Variants in LRMDA observed in about 807,000 individuals in gnomAD.
The protein encoded by LRMDA is leucine rich melanocyte differentiation associated, also known as leucine-rich melanocyte differentiation-associated protein.
In LRMDA, 18 loss-of-function variants were observed where a neutral mutation model predicts 29.8. The observed-to-expected ratio is 0.60, with a 90% CI of 0.42 to 0.90. LRMDA has a LOEUF of 0.90. Ranked by LOEUF, LRMDA falls within the 40% of genes least tolerant of loss-of-function variation. LRMDA has a pLI of 0.00. For missense variants in LRMDA, 273 were observed against 273.9 expected (o/e 1.00, Z 0.02); for synonymous variants, 125 against 109.4 (o/e 1.14, Z -0.89).
At chr10:76,271,908 G>C (rs1307147368) in intron 5 of LRMDA, among the ~76,000 whole-genome samples, 2 of 152,196 alleles carry the variant, frequency 1.3e-5, no homozygotes, top group Non-Finnish European at 2.9e-5. Context: ...CAAAATTGGA[G>C]TCCAGCCTTG....
At chr10:75,458,464 G>A (rs907693927) in intron 2 of LRMDA, among the ~76,000 whole-genome samples, 3 of 115,986 alleles carry the variant, frequency 2.6e-5, no homozygotes, top group Non-Finnish European at 6.4e-5. Context: ...GTTTTAAAAG[G>A]GAAGAGGGAG....
intron 5 of LRMDA, among the ~76,000 whole-genome samples, chr10:76,226,656 G>A (rs987055600): frequency 6.6e-6 from 1 of 152,140 alleles, no homozygotes; most frequent in Admixed American, 6.5e-5. Context: ...GAACAGCATG[G>A]TGAAAACCGC....
chr10:75,839,833 C>T (rs1396579124), intron 2 of LRMDA, among the ~76,000 whole-genome samples: 4 of 151,626 alleles, frequency 2.6e-5, no homozygotes, highest in Non-Finnish European at 4.4e-5. Context: ...CTCAGCCTCC[C>T]GAGTAGCTGG....
At chr10:76,142,302 T>G (rs1288168045) in intron 5 of LRMDA, among the ~76,000 whole-genome samples, 4 of 152,164 alleles carry the variant, frequency 2.6e-5, no homozygotes, top group Non-Finnish European at 4.4e-5. Flanking sequence ...GTCTTAAAAA[T>G]GCAATGAATG....
rs540463984 is a variant in LRMDA, at chr10:75,779,879, G to A, written c.132-256129G>A. Among the ~76,000 whole-genome samples, 4 of 152,244 alleles carry A rather than the reference G, an allele frequency of 2.6e-5. No individual in the cohort carries two copies. The South Asian group carries it at 8.3e-4, about 32-fold the overall frequency. ...GGAACCTAAGAGTGTGACCTGATTTGGAAATAGATTCTTTGCAGATATAGT... is the reference window on the plus strand; with the variant it reads ...GGAACCTAAGAGTGTGACCTGATTTAGAAATAGATTCTTTGCAGATATAGT... On this transcript the variant is annotated intron_variant, in intron 2 of 6. Transcript: ENST00000611255.
At chr10:76,117,343 A>G (rs1414898027) in intron 5 of LRMDA, among the ~76,000 whole-genome samples, 2 of 152,178 alleles carry the variant, frequency 1.3e-5, no homozygotes, top group East Asian at 1.9e-4. Flanking sequence ...ATTATGTACA[A>G]TTTTGATGTT....
chr10:76,361,252 CTG>C (rs1229855047), intron 6 of LRMDA, among the ~76,000 whole-genome samples: 16 of 146,308 alleles, frequency 1.1e-4, no homozygotes, highest in Non-Finnish European at 3.0e-5. Flanking sequence ...CAGAGCGAGA[CTG>C]TCTCAAAAAA....
chr10:76,375,067 A>C (rs542428315), intron 6 of LRMDA, among the ~76,000 whole-genome samples: 2 of 152,202 alleles, frequency 1.3e-5, no homozygotes, highest in African/African-American at 4.8e-5. Flanking sequence ...TTTCTTAACA[A>C]AGAAAAGAAA....
intron 5 of LRMDA, among the ~76,000 whole-genome samples, chr10:76,085,615 C>T (rs762666999): frequency 4.6e-5 from 7 of 152,152 alleles, no homozygotes; most frequent in Non-Finnish European, 5.9e-5. Flanking sequence ...AAGCCTTACC[C>T]TGACCCTGTG....
chr10:75,903,226 A>T (rs1306994513), intron 2 of LRMDA, among the ~76,000 whole-genome samples: 1 of 152,224 alleles, frequency 6.6e-6, no homozygotes, highest in Non-Finnish European at 1.5e-5. Flanking sequence ...TACCAAATGG[A>T]TATTGACAGG....
chr10:75,715,428 T>C (rs2132181887), intron 2 of LRMDA, among the ~76,000 whole-genome samples: 1 of 152,274 alleles, frequency 6.6e-6, no homozygotes, highest in East Asian at 1.9e-4. Flanking sequence ...CCACTAACAT[T>C]TTGTTGTAAA....
At chr10:76,014,561 C>T (rs1334270925) in intron 2 of LRMDA, among the ~76,000 whole-genome samples, 1 of 152,158 alleles carries the variant, frequency 6.6e-6, no homozygotes, top group Non-Finnish European at 1.5e-5. Flanking sequence ...CCCATTTCTT[C>T]CAGAAGCCAA....
chr10:76,501,520 C>T (rs1842909133), intron 6 of LRMDA, among the ~76,000 whole-genome samples: 1 of 151,964 alleles, frequency 6.6e-6, no homozygotes, highest in African/African-American at 2.4e-5. Flanking sequence ...TCCATGGCCT[C>T]ACCAGCATAT....
chr10:76,398,581 T>A (rs553934079), intron 6 of LRMDA, among the ~76,000 whole-genome samples: 72 of 152,328 alleles, frequency 4.7e-4, no homozygotes, highest in African/African-American at 1.7e-3. Context: ...AAGAATGCAT[T>A]TGATTATATA....
chr10:76,134,028 A>G (rs1850048176), intron 5 of LRMDA, among the ~76,000 whole-genome samples: 1 of 152,146 alleles, frequency 6.6e-6, no homozygotes, highest in Non-Finnish European at 1.5e-5. Context: ...CACCCCCAAC[A>G]AAGTCCAGGA....
At chr10:76,429,041 A>ACACACAAAC (rs1554820441) in intron 6 of LRMDA, among the ~76,000 whole-genome samples, 169 of 64,032 alleles carry the variant, frequency 2.6e-3, no homozygotes, top group South Asian at 0.025. Flanking sequence ...CACACACACA[A>ACACACAAAC]ACACACACAC....
At chr10:75,886,455 G>T (rs1219718593) in intron 2 of LRMDA, among the ~76,000 whole-genome samples, 1 of 152,224 alleles carries the variant, frequency 6.6e-6, no homozygotes, top group African/African-American at 2.4e-5. Context: ...TGAAATCCTT[G>T]GTTTTGTAGC....
At chr10:76,177,143 C>G (rs546243039) in intron 5 of LRMDA, among the ~76,000 whole-genome samples, 2 of 152,326 alleles carry the variant, frequency 1.3e-5, no homozygotes, top group South Asian at 4.1e-4. Context: ...CACAGCCATG[C>G]AGTGTCGCCA....
intron 5 of LRMDA, among the ~76,000 whole-genome samples, chr10:76,288,205 G>A (rs1019877107): frequency 6.6e-6 from 1 of 152,182 alleles, no homozygotes; most frequent in African/African-American, 2.4e-5. Flanking sequence ...AATTAGTTCA[G>A]CCATTGTTGA....
Sources: gnomAD v4.1 joint callset for allele counts (sites outside exome capture counted in the v4.1 genomes callset) on GRCh38, gnomAD v4.1.1 for gene constraint, MANE v1.5 for transcripts, NCBI Gene and HGNC (gene_info 2026-07-23, HGNC 2026-07-21) for gene names.